TMEM131L: variants seen among roughly 807,000 people sequenced by gnomAD.
The protein encoded by TMEM131L is transmembrane 131 like, also known as transmembrane protein 131-like.
Under a neutral mutation model 192.2 loss-of-function variants are expected in TMEM131L, and 54 were observed. That is an observed-to-expected ratio of 0.28 (90% confidence interval 0.23 to 0.35). The LOEUF is 0.35. Ranked by LOEUF, TMEM131L falls within the 10% of genes least tolerant of loss-of-function variation. TMEM131L has a pLI of 1.00. For synonymous variants in TMEM131L, 701 were observed against 704.9 expected (o/e 0.99, Z 0.09); for missense variants, 1,888 against 1,972.9 (o/e 0.96, Z 0.82).
At position 153,623,008 on chromosome 4, in the gene TMEM131L, G is replaced by A; in HGVS notation, c.3970G>A (p.Gly1324Arg). ...GSVRASRGSW[G>R]SWSSTSSSDG... Reference sequence around the variant, plus strand: ...CGTGCGTGCCAGCCGGGGCAGCTGGGGGAGCTGGAGCAGCACCAGCAGCTC... The same window carrying A: ...CGTGCGTGCCAGCCGGGGCAGCTGGAGGAGCTGGAGCAGCACCAGCAGCTC... The change falls in exon 29 of 35, where the codon GGG becomes AGG. Residue 1324 changes from glycine to arginine, a missense_variant. Coordinates refer to ENST00000409959, the MANE Select transcript of TMEM131L (RefSeq NM_001131007.2). The A allele has an allele frequency of 6.2e-7, 1 of 1,614,124 alleles. No homozygotes were observed. Among genetic ancestry groups the A allele is most frequent in the Non-Finnish European group, 8.5e-7 (1 of 1,180,032 alleles).
intron 3 of TMEM131L, among the ~76,000 whole-genome samples, chr4:153,528,116 C>T (rs892524312): frequency 7.2e-5 from 11 of 152,294 alleles, no homozygotes; most frequent in Middle Eastern, 3.4e-3. Context: ...GGAAAATAGA[C>T]GTTATACATT....
intron 3 of TMEM131L, among the ~76,000 whole-genome samples, chr4:153,515,746 C>T (rs1734685181): frequency 1.3e-5 from 2 of 152,172 alleles, no homozygotes; most frequent in South Asian, 4.1e-4. Context: ...TACATTCTCA[C>T]CAACCAACAG....
At position 153,620,778 on chromosome 4, in the gene TMEM131L, A is replaced by C; in HGVS notation, c.3590A>C (p.Lys1197Thr). The change falls in exon 27 of 35, where the codon AAA becomes ACA. Residue 1197 changes from lysine (K) to threonine (T), a missense_variant. By Grantham distance (78) the Lys-to-Thr change is moderately conservative. Coordinates refer to ENST00000409959, the MANE Select transcript of TMEM131L (RefSeq NM_001131007.2). ...FVEQEDPYRK[K>T]KLQEKREGNL... ...TAGCAAGAAGATCCTTATAGGAAGA[A>C]AAAGCTTCAGGAGAAAAGAGAAGGA... 1 of 1,554,326 alleles carries C rather than the reference A, an allele frequency of 6.4e-7. No individual in the cohort carries two copies. Among genetic ancestry groups the C allele is most frequent in the South Asian group, 1.2e-5 (1 of 85,832 alleles).
chr4:153,609,528 C>T (rs1030728540), intron 25 of TMEM131L, among the ~76,000 whole-genome samples: 1 of 152,158 alleles, frequency 6.6e-6, no homozygotes, highest in African/African-American at 2.4e-5. Flanking sequence ...ATCCCATATT[C>T]TTGAATGCTT....
At chr4:153,598,800 TA>T in intron 21 of TMEM131L, 68 bp downstream of exon 21, 1 of 1,246,232 alleles carries the variant, frequency 8.0e-7, no homozygotes, top group Admixed American at 3.0e-5. Context: ...AAGGATTCTA[TA>T]AATTCTAAAT....
chr4:153,469,492 A>T (rs1197175329), intron 2 of TMEM131L, among the ~76,000 whole-genome samples: 1 of 152,230 alleles, frequency 6.6e-6, no homozygotes, highest in Non-Finnish European at 1.5e-5. Context: ...GAATATTTAT[A>T]GGTGTTAATT....
At chr4:153,596,155 A>C in intron 19 of TMEM131L, 103 bp from the exon 20 acceptor site, 1 of 1,334,240 alleles carries the variant, frequency 7.5e-7, no homozygotes, top group Admixed American at 1.9e-5. Flanking sequence ...TCAAATCTGG[A>C]CATTAAAAGA....
At chr4:153,586,592 G>A (rs1304408361) in intron 14 of TMEM131L, among the ~76,000 whole-genome samples, 4 of 152,138 alleles carry the variant, frequency 2.6e-5, no homozygotes, top group Non-Finnish European at 4.4e-5. Flanking sequence ...AAAGTAATTT[G>A]AAGTTCTTGA....
intron 14 of TMEM131L, among the ~76,000 whole-genome samples, 167 bp from the exon 15 acceptor site, chr4:153,587,575 T>G (rs562914843): frequency 3.3e-5 from 5 of 152,310 alleles, no homozygotes; most frequent in Admixed American, 2.0e-4. Context: ...GAGAGACAGT[T>G]CAGATTTCTC....
chr4:153,473,853 T>G lies in TMEM131L; in HGVS notation c.204T>G (p.Ser68=), dbSNP rs1561109586. 2.6e-6 allele frequency: 4 copies of G among 1,543,968 alleles called. No individual in the cohort carries two copies. The highest frequency in any genetic ancestry group is 3.5e-6 in the Non-Finnish European group (4 of 1,144,164). Residue 68 remains serine, a synonymous_variant, in exon 3 of 35, where the codon TCT becomes TCG. Coordinates refer to ENST00000409959, the MANE Select transcript of TMEM131L (RefSeq NM_001131007.2). ...GELLLPTQGD[S]EEGLEEPSQE... Reference sequence around the variant, plus strand: ...ATGTTCTTTTTCAATAGGGTGATTCTGAAGAGGGTCTGGAGGAGCCTTCTC... The same window carrying G: ...ATGTTCTTTTTCAATAGGGTGATTCGGAAGAGGGTCTGGAGGAGCCTTCTC...
At chr4:153,573,610 A>G (rs1729738668) in intron 7 of TMEM131L, among the ~76,000 whole-genome samples, 1 of 152,222 alleles carries the variant, frequency 6.6e-6, no homozygotes, top group African/African-American at 2.4e-5. Context: ...CCACTTGGCC[A>G]AACCAAAAGT....
chr4:153,483,475 C>T lies in TMEM131L; in HGVS notation c.239+9587C>T, dbSNP rs530230623. On this transcript the variant is annotated intron_variant, in intron 3 of 34. Coordinates refer to ENST00000409959, the MANE Select transcript of TMEM131L (RefSeq NM_001131007.2). ...CTTTGAGAGGCTGAGGTGGGAGGAT[C>T]GGCTTGAGCTCAGGAGTTCGATAGC... Among the ~76,000 whole-genome samples, 7 of 152,114 alleles carry T rather than the reference C, an allele frequency of 4.6e-5. No homozygotes were observed. In the East Asian group the frequency reaches 7.7e-4, roughly 17 times the overall value.
Position 153,498,686 on chromosome 4 carries a change from C to T in TMEM131L, c.239+24798C>T, listed in dbSNP as rs115581242. Among the ~76,000 whole-genome samples the T allele has an allele frequency of 5.0e-3, 754 of 152,178 alleles. 11 individuals are homozygous for T. Among genetic ancestry groups the T allele is most frequent in the African/African-American group, 0.017 (694 of 41,524 alleles). On this transcript the variant is annotated intron_variant, in intron 3 of 34. Transcript: ENST00000409959. ...GTTGAGATCCTGTGGCCCTTTGGTC[C>T]CCAGGGTCTTCTCATTCGGCCCTAC...
chr4:153,480,387 G>A (rs1731848685), intron 3 of TMEM131L, among the ~76,000 whole-genome samples: 1 of 151,848 alleles, frequency 6.6e-6, no homozygotes, highest in Non-Finnish European at 1.5e-5. Context: ...GGGCGTGGCA[G>A]CATGAGCCTG....
At chr4:153,525,836 G>A (rs895893859) in intron 3 of TMEM131L, among the ~76,000 whole-genome samples, 1 of 151,854 alleles carries the variant, frequency 6.6e-6, no homozygotes, top group African/African-American at 2.4e-5. Context: ...TGGGGCCTGC[G>A]ATTCCACATT....
rs78050460 is a variant in TMEM131L, at chr4:153,605,680, A to G, written c.3418+1250A>G. Reference sequence around the variant, plus strand: ...TATGGTCAGATTTTTGACAATTTTTAATCTGGAAAACTCAGTCACCTTTTG... The same window carrying G: ...TATGGTCAGATTTTTGACAATTTTTGATCTGGAAAACTCAGTCACCTTTTG... On this transcript the variant is annotated intron_variant, in intron 25 of 34. Coordinates refer to ENST00000409959, the MANE Select transcript of TMEM131L (RefSeq NM_001131007.2). Among the ~76,000 whole-genome samples, 867 of 152,312 alleles carry G rather than the reference A, an allele frequency of 5.7e-3. 9 individuals are homozygous for G. Among genetic ancestry groups the G allele is most frequent in the African/African-American group, 0.018 (745 of 41,556 alleles).
At chr4:153,629,654 T>A (rs1578905901) in intron 31 of TMEM131L, among the ~76,000 whole-genome samples, 1 of 152,320 alleles carries the variant, frequency 6.6e-6, no homozygotes, top group East Asian at 1.9e-4. Context: ...TTGCCACCAT[T>A]GCTCTTTTGA....
intron 20 of TMEM131L, among the ~76,000 whole-genome samples, chr4:153,597,230 G>C (rs1286812770): frequency 6.6e-6 from 1 of 151,278 alleles, no homozygotes; most frequent in African/African-American, 2.4e-5. Context: ...TGTTGACTTA[G>C]TGTTTCTTTT....
At position 153,557,035 on chromosome 4, in the gene TMEM131L, A is replaced by C. The variant is rs1728516330; in HGVS notation, c.502A>C (p.Ser168Arg). 1 of 1,593,616 alleles carries C rather than the reference A, an allele frequency of 6.3e-7. No homozygotes were observed. The highest frequency in any genetic ancestry group is 8.6e-7 in the Non-Finnish European group (1 of 1,162,724). Reference protein sequence around the residue: ...FLPTEEGSIESSLFINTSSYG... With the variant: ...FLPTEEGSIERSLFINTSSYG... ...ACCTACTGAAGAAGGAAGCATTGAA[A>C]GTTCCTTATTTATTAATACCTCTTC... The change falls in exon 6 of 35, where the codon AGT becomes CGT. Residue 168 changes from serine (S) to arginine (R), a missense_variant. Physicochemically the swap from Ser to Arg is moderately radical, Grantham distance 110. Coordinates refer to ENST00000409959, the MANE Select transcript of TMEM131L (RefSeq NM_001131007.2).
Sources: allele counts gnomAD v4.1 joint callset (sites outside exome capture counted in the v4.1 genomes callset), GRCh38; gene constraint gnomAD v4.1.1; transcripts MANE v1.5; gene names NCBI Gene and HGNC (gene_info 2026-07-23, HGNC 2026-07-21).